EPB41: variants seen among roughly 807,000 people sequenced by gnomAD.
The protein encoded by EPB41 is protein 4.1.
Under a neutral mutation model 108.0 loss-of-function variants are expected in EPB41, and 65 were observed. The ratio of observed to expected loss-of-function variants is 0.60; its 90% CI spans 0.49 to 0.74. EPB41 has a LOEUF of 0.74. Among genes scored for constraint, EPB41 ranks in the 30% least tolerant of loss-of-function variants. The probability of loss-of-function intolerance (pLI) is 0.00; values close to 1 mark genes in which losing one functional copy is unlikely to be tolerated. For missense variants in EPB41, 875 were observed against 1,037.0 expected, an observed-to-expected ratio of 0.84 and a Z score of 2.15; for synonymous variants, 336 against 358.9, an observed-to-expected ratio of 0.94 and a Z score of 0.72.
At chr1:28,918,267 G>A (rs1161516781) in intron 1 of EPB41, among the ~76,000 whole-genome samples, 1 of 151,940 alleles carries the variant, frequency 6.6e-6, no homozygotes, top group Non-Finnish European at 1.5e-5. Flanking sequence ...TGGCCAGGAT[G>A]GTCTCCAATC....
intron 1 of EPB41, among the ~76,000 whole-genome samples, chr1:28,960,212 T>G (rs541918220): frequency 6.6e-6 from 1 of 151,706 alleles, no homozygotes; most frequent in Admixed American, 6.6e-5. Context: ...CGTCTCATCA[T>G]GTTACCCAGG....
At chr1:29,106,681 C>G (rs1200104124) in intron 17 of EPB41, among the ~76,000 whole-genome samples, 2 of 143,262 alleles carry the variant, frequency 1.4e-5, no homozygotes, top group Non-Finnish European at 3.0e-5. Flanking sequence ...TCAAGAGATT[C>G]TCCTGCCTCA....
chr1:29,033,086 T>G lies in EPB41; in HGVS notation c.1213-7T>G. 6.2e-7 allele frequency: 1 copy of G among 1,613,746 alleles called. No homozygotes were observed. Among genetic ancestry groups the G allele is most frequent in the Non-Finnish European group, 8.5e-7 (1 of 1,179,830 alleles). On this transcript the variant is annotated splice_region_variant and splice_polypyrimidine_tract_variant and intron_variant, in intron 8 of 20. Transcript: ENST00000343067. The stretch of plus-strand genomic sequence containing the variant: ...CAGACTGAAATCCTAACATTTTTCT[T>G]TTTCAGGACTTGGAAGGAGTAGATA...
chr1:29,055,701 G>A (rs959363842), intron 12 of EPB41, among the ~76,000 whole-genome samples: 1 of 151,572 alleles, frequency 6.6e-6, no homozygotes, highest in Non-Finnish European at 1.5e-5. Flanking sequence ...CGTAATCCCA[G>A]CAATTTGGGA....
At chr1:29,072,222 C>G (rs1288983569) in intron 16 of EPB41, 4 of 151,988 alleles carry the variant, frequency 2.6e-5, no homozygotes, top group African/African-American at 9.7e-5. Context: ...TTTATTGATT[C>G]ACTCATAATA....
In EPB41 at chr1:29,068,902, A is replaced by G. The variant is rs901123327; in HGVS notation, c.2184+3744A>G. ...CTGAATACCTTTTTTTCTTTTGGCTATACTAGTAAATTCACACCCACAGCC... is the reference window on the plus strand; with the variant it reads ...CTGAATACCTTTTTTTCTTTTGGCTGTACTAGTAAATTCACACCCACAGCC... On this transcript the variant is annotated intron_variant, in intron 16 of 20. Coordinates refer to ENST00000343067, the MANE Select transcript of EPB41 (RefSeq NM_001376013.1). 1.2e-4 allele frequency: 99 copies of G among 837,940 alleles called. No individual in the cohort carries two copies. The African/African-American group carries it at 1.7e-3, about 15-fold the overall frequency. 51.9% of individuals were successfully genotyped at this position (837,940 alleles called of 1,614,324 possible).
At position 28,979,582 on chromosome 1, in the gene EPB41, G is replaced by A. The variant is rs981180284; in HGVS notation, c.-7-7849G>A. 2.7e-4 allele frequency among the ~76,000 whole-genome samples: 41 copies of A among 151,532 alleles called. 4 individuals carry two copies. The highest frequency in any genetic ancestry group is 9.8e-4 in the African/African-American group (40 of 40,926). On this transcript the variant is annotated intron_variant, in intron 1 of 20. Transcript: ENST00000343067. ...CCACTGTTGCAAAACATGTTAAATG[G>A]TGAACTATTCTTGATTAGGGATTTG...
intron 7 of EPB41, among the ~76,000 whole-genome samples, chr1:29,028,624 A>C (rs2096750854): frequency 6.6e-6 from 1 of 152,186 alleles, no homozygotes; most frequent in South Asian, 2.1e-4. Flanking sequence ...TTTTGACTTA[A>C]GTCTGCTGTC....
At chr1:29,089,039 A>C (rs1660275350) in intron 16 of EPB41, among the ~76,000 whole-genome samples, 2 of 152,242 alleles carry the variant, frequency 1.3e-5, no homozygotes, top group Admixed American at 1.3e-4. Context: ...GATGGGCTTT[A>C]GAACCAGAGA....
intron 16 of EPB41, chr1:29,071,299 A>C (rs1290298166): frequency 6.6e-6 from 1 of 152,110 alleles, no homozygotes; most frequent in African/African-American, 2.4e-5. Context: ...TCACAAGTAG[A>C]GTGTTGATAT....
At chr1:29,042,483 G>C (rs1318467906) in intron 11 of EPB41, among the ~76,000 whole-genome samples, 1 of 151,444 alleles carries the variant, frequency 6.6e-6, no homozygotes, top group Non-Finnish European at 1.5e-5. Flanking sequence ...GTTTTGTTTT[G>C]TTTTGTTTTT....
At chr1:28,922,732 ATTC>A (rs2093187920) in intron 1 of EPB41, among the ~76,000 whole-genome samples, 1 of 150,932 alleles carries the variant, frequency 6.6e-6, no homozygotes, top group South Asian at 2.1e-4. Flanking sequence ...GGTTCAAGCA[ATTC>A]TTCTGCCTCA....
chr1:28,912,910 C>T (rs1210999655), upstream of EPB41, among the ~76,000 whole-genome samples: 2 of 152,096 alleles, frequency 1.3e-5, no homozygotes, highest in Non-Finnish European at 2.9e-5. Context: ...AGCCACCATG[C>T]CTGGCCTAAT....
chr1:28,958,106 G>A (rs1051101270), intron 1 of EPB41, among the ~76,000 whole-genome samples: 4 of 152,060 alleles, frequency 2.6e-5, no homozygotes, highest in Admixed American at 2.6e-4. Context: ...TTGAGCCACT[G>A]CACCCTACTT....
At chr1:28,891,079 G>C in intron 1 of EPB41, 2 of 784,508 alleles carry the variant, frequency 2.5e-6, no homozygotes, top group Non-Finnish European at 1.5e-6. Context: ...GGTTTCCCCA[G>C]AGGGGCAGCC....
chr1:28,998,910 C>T (rs961615622), intron 4 of EPB41, among the ~76,000 whole-genome samples: 4 of 152,142 alleles, frequency 2.6e-5, no homozygotes, highest in Non-Finnish European at 5.9e-5. Flanking sequence ...CTTTCTGCCC[C>T]ATAAATATAT....
chr1:28,993,961 A>G (rs1284351654), intron 3 of EPB41, among the ~76,000 whole-genome samples: 1 of 150,130 alleles, frequency 6.7e-6, no homozygotes, highest in Non-Finnish European at 1.5e-5. Flanking sequence ...CCGGCCTTTA[A>G]TGATTATTTC....
Position 29,114,662 on chromosome 1 carries a change from T to TC in EPB41, c.2497-1034dup, listed in dbSNP as rs1363129967. Among the ~76,000 whole-genome samples, 5 of 129,466 alleles carry TC rather than the reference T, an allele frequency of 3.9e-5. No homozygotes were observed. The East Asian group carries it at 1.1e-3, about 29-fold the overall frequency. The allele number at this position is 129,466 out of a possible 152,430, so 84.9% of individuals were successfully genotyped here. On this transcript the variant is annotated intron_variant, in intron 19 of 20. Transcript: ENST00000343067. ...AAAAAAAAAAAAAAAAAAAAAAAAGTCCCTGTTTCACTACCTACTAGCTAT... is the reference window on the plus strand; with the variant it reads ...AAAAAAAAAAAAAAAAAAAAAAAAGTCCCCTGTTTCACTACCTACTAGCTAT...
chr1:28,945,738 T>C (rs1048023487), intron 1 of EPB41, among the ~76,000 whole-genome samples: 2 of 152,248 alleles, frequency 1.3e-5, no homozygotes, highest in Non-Finnish European at 2.9e-5. Context: ...TGAATATTTA[T>C]TTCTCTTGTG....
Sources: allele counts gnomAD v4.1 joint callset (sites outside exome capture counted in the v4.1 genomes callset), GRCh38; gene constraint gnomAD v4.1.1; transcripts MANE v1.5; gene names NCBI Gene and HGNC (gene_info 2026-07-23, HGNC 2026-07-21).